Variants in WIF1 observed in about 807,000 individuals in gnomAD.
WIF1 encodes the protein Wnt inhibitory factor 1.
In WIF1, 35 loss-of-function variants were observed where a neutral mutation model predicts 53.5. The observed-to-expected ratio is 0.65, with a 90% CI of 0.50 to 0.87. The LOEUF is 0.87. WIF1 is among the 40% of genes least tolerant of loss of function. WIF1 has a pLI of 0.00. For missense variants in WIF1, 467 were observed against 476.8 expected (o/e 0.98, Z 0.19); for synonymous variants, 171 against 170.4 (o/e 1.00, Z -0.03).
At chr12:65,118,877 G>GGGGA (rs1555188673) in intron 2 of WIF1, among the ~76,000 whole-genome samples, 2 of 151,230 alleles carry the variant, frequency 1.3e-5, no homozygotes, top group South Asian at 2.1e-4. Flanking sequence ...AGGGAGAGGG[G>GGGGA]GAGAGAGAGA....
At chr12:65,081,130 T>TA (rs150586824) in intron 2 of WIF1, among the ~76,000 whole-genome samples, 29 of 149,072 alleles carry the variant, frequency 1.9e-4, no homozygotes, top group Non-Finnish European at 3.7e-4. Flanking sequence ...GTATTTTTTT[T>TA]AAAAAGCATT....
intron 7 of WIF1, among the ~76,000 whole-genome samples, chr12:65,058,620 G>A (rs943053210): frequency 4.6e-5 from 7 of 152,166 alleles, no homozygotes; most frequent in African/African-American, 1.7e-4. Context: ...AGATCTGATT[G>A]TTTTAAAATT....
intron 2 of WIF1, among the ~76,000 whole-genome samples, chr12:65,091,011 G>C (rs1293938625): frequency 1.3e-5 from 2 of 152,032 alleles, no homozygotes; most frequent in Admixed American, 6.6e-5. Flanking sequence ...GAAAGCAGGG[G>C]CTGTGAAAAT....
chr12:65,074,850 G>A (rs867370787), intron 3 of WIF1, among the ~76,000 whole-genome samples: 1,792 of 94,546 alleles, frequency 0.019, 2 homozygotes, highest in Non-Finnish European at 0.03. Flanking sequence ...AAAAGAAAAA[G>A]AAAATTATTT....
At chr12:65,059,184 AC>A (rs1322010528) in intron 7 of WIF1, among the ~76,000 whole-genome samples, 1 of 152,230 alleles carries the variant, frequency 6.6e-6, no homozygotes, top group African/African-American at 2.4e-5. Context: ...GAATACATTG[AC>A]AAAATAAAGA....
rs1385882260 is a variant in WIF1, at chr12:65,056,030, C to T, written c.922+1G>A. 5.0e-6 allele frequency: 8 copies of T among 1,613,406 alleles called. No individual in the cohort carries two copies. Among genetic ancestry groups the T allele is most frequent in the Admixed American group, 3.3e-5 (2 of 59,904 alleles). On this transcript the variant is annotated splice_donor_variant, in intron 8 of 9. Coordinates refer to ENST00000286574, the MANE Select transcript of WIF1 (RefSeq NM_007191.5). LOFTEE classifies it high-confidence loss of function. Reference sequence around the variant, plus strand: ...ATTGGCAATGTGTATGGGGTACTTACGCTTTGAACAGAGGTCTCCCTGGTA... The same window carrying T: ...ATTGGCAATGTGTATGGGGTACTTATGCTTTGAACAGAGGTCTCCCTGGTA...
chr12:65,083,770 T>TTTTTCC (rs1882985362), intron 2 of WIF1: 1 of 317,846 alleles, frequency 3.1e-6, no homozygotes, highest in African/African-American at 2.3e-5. Context: ...CCTCTTTTCC[T>TTTTTCC]TTTCCCTTTC....
rs1450362063 is a variant in WIF1, at chr12:65,051,488, G to A, written c.1019-18C>T. On this transcript the variant is annotated intron_variant, in intron 9 of 9. Coordinates refer to ENST00000286574, the MANE Select transcript of WIF1 (RefSeq NM_007191.5). ...TTCGTACCCTGCAAAATTATTCACA[G>A]CTTAAAAGGAAAGAAACTACAAAAC... is the stretch of plus-strand genomic sequence containing the variant. The A allele has an allele frequency of 7.7e-6, 12 of 1,559,044 alleles. No individual in the cohort carries two copies. The African/African-American group carries it at 1.4e-4, about 18-fold the overall frequency.
intron 2 of WIF1, among the ~76,000 whole-genome samples, chr12:65,082,645 C>A (rs1316016442): frequency 6.6e-6 from 1 of 152,112 alleles, no homozygotes; most frequent in Non-Finnish European, 1.5e-5. Context: ...AGGATTGTTC[C>A]TTCCAGATGA....
intron 6 of WIF1, 86 bp downstream of exon 6, chr12:65,066,555 T>C: frequency 9.1e-7 from 1 of 1,098,594 alleles, no homozygotes; most frequent in Non-Finnish European, 1.3e-6. Flanking sequence ...AGAGCTGTTA[T>C]GAAGAGTGAG....
chr12:65,070,708 C>T (rs556007094), intron 3 of WIF1, among the ~76,000 whole-genome samples: 1 of 152,206 alleles, frequency 6.6e-6, no homozygotes, highest in African/African-American at 2.4e-5. Context: ...CACATTCAGC[C>T]TCTCCTTTGC....
chr12:65,085,586 C>T (rs938411984), intron 2 of WIF1, among the ~76,000 whole-genome samples: 1 of 152,212 alleles, frequency 6.6e-6, no homozygotes, highest in African/African-American at 2.4e-5. Context: ...AGCACCTTCT[C>T]ATGCAGCGTA....
intron 9 of WIF1, among the ~76,000 whole-genome samples, chr12:65,053,076 G>A (rs1019346582): frequency 6.6e-6 from 1 of 152,098 alleles, no homozygotes; most frequent in Non-Finnish European, 1.5e-5. Flanking sequence ...TAAGAGCTTC[G>A]GTTTACTCTT....
At chr12:65,067,656 A>G (rs1360876116) in intron 5 of WIF1, 39 bp downstream of exon 5, 2 of 1,581,426 alleles carry the variant, frequency 1.3e-6, no homozygotes, top group Non-Finnish European at 1.7e-6. Flanking sequence ...ATCCATGTTC[A>G]TTAGGAAGGG....
At chr12:65,112,606 T>C (rs1417793571) in intron 2 of WIF1, among the ~76,000 whole-genome samples, 3 of 152,186 alleles carry the variant, frequency 2.0e-5, no homozygotes, top group East Asian at 1.9e-4. Context: ...ACTCTCTCCA[T>C]AGCCAAGAAG....
At position 65,061,996 on chromosome 12, in the gene WIF1, T is replaced by C. The variant is rs114731655; in HGVS notation, c.826+485A>G. On this transcript the variant is annotated intron_variant, in intron 7 of 9. Transcript: ENST00000286574. ...GTGCTACTATTTCATTCTTTTTTTATTGCTATGCGCCTCTTTTTTCTCGTT... is the reference window on the plus strand; with the variant it reads ...GTGCTACTATTTCATTCTTTTTTTACTGCTATGCGCCTCTTTTTTCTCGTT... Among the ~76,000 whole-genome samples the C allele has an allele frequency of 9.0e-3, 1,376 of 152,344 alleles. 11 individuals carry two copies. Among genetic ancestry groups the C allele is most frequent in the Middle Eastern group, 0.041 (12 of 294 alleles).
chr12:65,081,680 A>G (rs1882952832), intron 2 of WIF1, among the ~76,000 whole-genome samples: 1 of 152,186 alleles, frequency 6.6e-6, no homozygotes, highest in African/African-American at 2.4e-5. Flanking sequence ...TCTTATCAGC[A>G]AAAGGCAGTT....
chr12:65,054,681 A>G (rs1486255934), intron 9 of WIF1, among the ~76,000 whole-genome samples: 3 of 152,228 alleles, frequency 2.0e-5, no homozygotes, highest in African/African-American at 7.2e-5. Flanking sequence ...CATGTTTTAT[A>G]ATGATACTTG....
intron 2 of WIF1, among the ~76,000 whole-genome samples, chr12:65,119,076 G>T (rs1209902112): frequency 6.6e-6 from 1 of 152,224 alleles, no homozygotes; most frequent in Non-Finnish European, 1.5e-5. Context: ...ATGACCATCT[G>T]ATGAGCGGTC....
Sources: gnomAD v4.1 joint callset for allele counts (sites outside exome capture counted in the v4.1 genomes callset) on GRCh38, gnomAD v4.1.1 for gene constraint, MANE v1.5 for transcripts, NCBI Gene and HGNC (gene_info 2026-07-23, HGNC 2026-07-21) for gene names.